The following DYNC1H1 variants were observed in gnomAD, a reference collection of about 807,000 sequenced individuals.
The protein encoded by DYNC1H1 is cytoplasmic dynein 1 heavy chain 1.
DYNC1H1 carries 51 observed loss-of-function variants against 527.1 expected under a neutral mutation model. The ratio of observed to expected loss-of-function variants is 0.10; its 90% CI spans 0.08 to 0.12. DYNC1H1 has a LOEUF of 0.12. Among genes scored for constraint, DYNC1H1 ranks in the 10% least tolerant of loss-of-function variants. The probability of loss-of-function intolerance (pLI) is 1.00; values close to 1 mark genes in which losing one functional copy is unlikely to be tolerated. For missense variants in DYNC1H1, 2,771 were observed against 5,971.8 expected (o/e 0.46, Z 17.66); for synonymous variants, 2,189 against 2,278.8 (o/e 0.96, Z 1.12).
At position 102,012,749 on chromosome 14, in the gene DYNC1H1, G is replaced by T. The variant is rs903413968; in HGVS notation, c.7014+279G>T. On this transcript the variant is annotated intron_variant, in intron 34 of 77. Transcript: ENST00000360184. The surrounding 1 kb of genome is among the most constrained non-coding windows in gnomAD (Gnocchi z 4.9). ...TCAGTTAACCCTGTATGGTGGGGTT[G>T]TCGTTAAGGTTTCTTAAGCTGTTAT... The T allele has an allele frequency of 8.5e-6, 4 of 469,520 alleles. No homozygotes were observed. The highest frequency in any genetic ancestry group is 7.9e-5 in the African/African-American group (4 of 50,752). The allele number at this position is 469,520 out of a possible 1,614,324, so 29.1% of individuals were successfully genotyped here.
Position 102,012,863 on chromosome 14 carries a change from C to T in DYNC1H1, c.7014+393C>T, listed in dbSNP as rs1056432686. On this transcript the variant is annotated intron_variant, in intron 34 of 77. Transcript: ENST00000360184. The surrounding 1 kb of genome is among the most constrained non-coding windows in gnomAD (Gnocchi z 4.9). ...ATGAGTGCATGATGCAGGTGCCTGACAACACCTACTGATCAGTAAACACAG... is the reference window on the plus strand; with the variant it reads ...ATGAGTGCATGATGCAGGTGCCTGATAACACCTACTGATCAGTAAACACAG... 3 of 341,192 alleles carry T rather than the reference C, an allele frequency of 8.8e-6. No homozygotes were observed. Among genetic ancestry groups the T allele is most frequent in the Non-Finnish European group, 1.7e-5 (3 of 176,948 alleles). The allele number at this position is 341,192 out of a possible 1,614,324, so 21.1% of individuals were successfully genotyped here.
intron 2 of DYNC1H1, among the ~76,000 whole-genome samples, chr14:101,976,491 G>A (rs2047802606): frequency 6.6e-6 from 1 of 151,330 alleles, no homozygotes; most frequent in Non-Finnish European, 1.5e-5. Context: ...GCAGTGAGCC[G>A]AGATTGTGCC....
intron 10 of DYNC1H1, among the ~76,000 whole-genome samples, chr14:101,989,086 T>C (rs1358322166): frequency 6.6e-6 from 1 of 152,184 alleles, no homozygotes; most frequent in African/African-American, 2.4e-5. Flanking sequence ...CTCACTCTCA[T>C]GTGAGATGTT....
At chr14:102,023,142 A>G (rs1207897982) in intron 43 of DYNC1H1, 8 of 451,052 alleles carry the variant, frequency 1.8e-5, no homozygotes, top group African/African-American at 4.0e-5. Flanking sequence ...ACTCACGCCT[A>G]TGGTCCCAGC....
intron 52 of DYNC1H1, chr14:102,032,743 C>T: frequency 1.8e-6 from 1 of 569,516 alleles, no homozygotes. Context: ...GTCCTAGCTA[C>T]TTGGGAGGCT....
rs2048305907 is a variant in DYNC1H1, at chr14:102,015,225, C to T, written c.7135C>T (p.Leu2379=). The change falls in exon 35 of 78, where the codon CTG becomes TTG. Residue 2379 remains leucine (L), a synonymous_variant. Coordinates refer to ENST00000360184, the MANE Select transcript of DYNC1H1 (RefSeq NM_001376.5). The surrounding 1 kb of genome is among the most constrained non-coding windows in gnomAD (Gnocchi z 6.9). Reference sequence around the variant, plus strand: ...CACCGACATGATCTTCAACAACTTCCTGGCCAGGCTGCGCAGCATCCCGCT... The same window carrying T: ...CACCGACATGATCTTCAACAACTTCTTGGCCAGGCTGCGCAGCATCCCGCT... ...LSTDMIFNNF[L]ARLRSIPLDE... 1 of 1,614,226 alleles carries T rather than the reference C, an allele frequency of 6.2e-7. No homozygotes were observed. The highest frequency in any genetic ancestry group is 8.5e-7 in the Non-Finnish European group (1 of 1,180,032).
chr14:101,980,393 A>G lies in DYNC1H1; in HGVS notation c.804A>G (p.Ser268=), dbSNP rs1477480380. ...KVTKLDRDPA[S]GTALQEISFW... is the part of the protein sequence containing the mutation. ...CCAAACTGGATCGAGATCCTGCATC[A>G]GGAACTGCCTTACAGGAAATTAGTT... The change falls in exon 5 of 78, where the codon TCA becomes TCG. Residue 268 remains serine, a synonymous_variant. Coordinates refer to ENST00000360184, the MANE Select transcript of DYNC1H1 (RefSeq NM_001376.5). 1 of 1,614,244 alleles carries G rather than the reference A, an allele frequency of 6.2e-7. No individual in the cohort carries two copies. The highest frequency in any genetic ancestry group is 1.1e-5 in the South Asian group (1 of 91,090).
chr14:102,032,654 C>G, intron 52 of DYNC1H1, 187 bp downstream of exon 52: 1 of 738,160 alleles, frequency 1.4e-6, no homozygotes, highest in African/African-American at 1.7e-5. Context: ...GAGTTAGAGA[C>G]CAACCTGGGC....
intron 51 of DYNC1H1, among the ~76,000 whole-genome samples, chr14:102,030,983 AAAG>A (rs1245498156): frequency 6.6e-6 from 1 of 152,190 alleles, no homozygotes; most frequent in Non-Finnish European, 1.5e-5. Context: ...AATGAAAACA[AAAG>A]AAAAAAAAGA....
Position 102,033,564 on chromosome 14 carries a change from C to A in DYNC1H1, c.10413+80C>A. On this transcript the variant is annotated intron_variant, in intron 54 of 77. Coordinates refer to ENST00000360184, the MANE Select transcript of DYNC1H1 (RefSeq NM_001376.5). This position sits in a 1 kb window ranked among gnomAD's most constrained non-coding sequence, Gnocchi z 5.6. The stretch of plus-strand genomic sequence containing the variant: ...CACACTTCAACATGCGCTGCATGCA[C>A]CATGCTGGCCTCGGTGAATTCGCTC... The A allele has an allele frequency of 1.3e-6, 2 of 1,553,344 alleles. No individual in the cohort carries two copies. Among genetic ancestry groups the A allele is most frequent in the Non-Finnish European group, 1.8e-6 (2 of 1,139,262 alleles).
chr14:101,983,652 T>A lies in DYNC1H1; in HGVS notation c.1461+43T>A. The A allele has an allele frequency of 6.3e-7, 1 of 1,588,220 alleles. No homozygotes were observed. Among genetic ancestry groups the A allele is most frequent in the Non-Finnish European group, 8.6e-7 (1 of 1,165,506 alleles). On this transcript the variant is annotated intron_variant, in intron 7 of 77. Transcript: ENST00000360184. The surrounding 1 kb of genome is among the most constrained non-coding windows in gnomAD (Gnocchi z 5.3). ...AAAGTTTGTGTTTTGTTTTTGTTTT[T>A]GTTTTGTTTTTTGTTTGGTGTTTTT... is the stretch of plus-strand genomic sequence containing the variant.
intron 9 of DYNC1H1, 100 bp downstream of exon 9, chr14:101,987,732 TA>T (rs1229271320): frequency 7.3e-7 from 1 of 1,363,338 alleles, no homozygotes; most frequent in East Asian, 2.4e-5. Context: ...CCTTGGAAAT[TA>T]TCTGTGATAG....
chr14:101,970,018 G>A (rs1483218635), intron 1 of DYNC1H1, among the ~76,000 whole-genome samples: 1 of 151,998 alleles, frequency 6.6e-6, no homozygotes, highest in Non-Finnish European at 1.5e-5. Flanking sequence ...GCAGTGCCTT[G>A]GTATCTGTTA....
In DYNC1H1 at chr14:102,050,675, T is replaced by C. The variant is rs1044610372; in HGVS notation, c.*112T>C. 24 of 1,550,474 alleles carry C rather than the reference T, an allele frequency of 1.5e-5. No homozygotes were observed. In the African/African-American group the frequency reaches 1.6e-4, roughly 11 times the overall value. On this transcript the variant is annotated 3_prime_UTR_variant, in exon 78 of 78. Coordinates refer to ENST00000360184, the MANE Select transcript of DYNC1H1 (RefSeq NM_001376.5). ...TGAAAAGAAAGTGGTTGGTCTGAGG[T>C]TGGAGGAAGCTGAATGGAATCTGAC...
intron 18 of DYNC1H1, 153 bp downstream of exon 18, chr14:102,000,552 C>T (rs1032602388): frequency 7.4e-6 from 5 of 673,150 alleles, no homozygotes; most frequent in African/African-American, 3.8e-5. Flanking sequence ...GTCCAAAATA[C>T]TGTAAAACTT....
Position 102,055,223 on chromosome 14 carries a change from C to T in DYNC1H1, c.*4660C>T, listed in dbSNP as rs755709341. ...TCTTCTGGACTCAGGTGACAAGTCACCTAAGTGACAGATCCAGCATGCACT... is the reference window on the plus strand; with the variant it reads ...TCTTCTGGACTCAGGTGACAAGTCATCTAAGTGACAGATCCAGCATGCACT... On this transcript the variant is annotated 3_prime_UTR_variant, in exon 78 of 78. Transcript: ENST00000360184. The T allele has an allele frequency of 2.6e-5, 4 of 152,176 alleles. No individual in the cohort carries two copies. The highest frequency in any genetic ancestry group is 5.9e-5 in the Non-Finnish European group (4 of 68,044). 9.4% of individuals were successfully genotyped at this position (152,176 alleles called of 1,614,324 possible).
Position 102,002,930 on chromosome 14 carries a change from A to G in DYNC1H1, c.4848A>G (p.Gly1616=). Residue 1616 remains glycine (G), a synonymous_variant, in exon 23 of 78, where the codon GGA becomes GGG. Transcript: ENST00000360184. The surrounding 1 kb of genome is among the most constrained non-coding windows in gnomAD (Gnocchi z 4.4). ...DLLGKIQKAL[G]EYLERERSSF... is the part of the protein sequence containing the mutation. ...TAGGAAAGATCCAGAAAGCATTGGG[A>G]GAATATCTGGAAAGAGAGCGGTCAT... 1.2e-6 allele frequency: 2 copies of G among 1,614,196 alleles called. No homozygotes were observed. Among genetic ancestry groups the G allele is most frequent in the Non-Finnish European group, 1.7e-6 (2 of 1,180,046 alleles).
rs560528083 is a variant in DYNC1H1, at chr14:102,018,257, C to G, written c.8178-194C>G. On this transcript the variant is annotated intron_variant, in intron 40 of 77. Transcript: ENST00000360184. This position sits in a 1 kb window ranked among gnomAD's most constrained non-coding sequence, Gnocchi z 5.2. ...TGCTGGTTTTTCAAGTGTTTTCCATCGACTGTTGTGTGTCAGACCCCAAGC... is the reference window on the plus strand; with the variant it reads ...TGCTGGTTTTTCAAGTGTTTTCCATGGACTGTTGTGTGTCAGACCCCAAGC... Among the ~76,000 whole-genome samples, 1 of 152,320 alleles carries G rather than the reference C, an allele frequency of 6.6e-6. No individual in the cohort carries two copies. Among genetic ancestry groups the G allele is most frequent in the East Asian group, 1.9e-4 (1 of 5,184 alleles).
chr14:101,979,240 A>G lies in DYNC1H1; in HGVS notation c.345-79A>G. On this transcript the variant is annotated intron_variant, in intron 2 of 77. Coordinates refer to ENST00000360184, the MANE Select transcript of DYNC1H1 (RefSeq NM_001376.5). This position sits in a 1 kb window ranked among gnomAD's most constrained non-coding sequence, Gnocchi z 4.6. ...TATTAGAAAAGCAACACTTCAGTAT[A>G]TTCTTGTATGATTTTTAAATTAATA... 7.1e-7 allele frequency: 1 copy of G among 1,411,246 alleles called. No individual in the cohort carries two copies. Among genetic ancestry groups the G allele is most frequent in the Non-Finnish European group, 9.9e-7 (1 of 1,006,042 alleles). The allele number at this position is 1,411,246 out of a possible 1,614,324, so 87.4% of individuals were successfully genotyped here. A position where few individuals can be genotyped will look rare whatever the true frequency, so the allele number is the denominator to read the frequency against.
Sources: allele counts gnomAD v4.1 joint callset (sites outside exome capture counted in the v4.1 genomes callset), GRCh38; gene constraint gnomAD v4.1.1; non-coding constraint Gnocchi (gnomAD v3.1); transcripts MANE v1.5; gene names NCBI Gene and HGNC (gene_info 2026-07-23, HGNC 2026-07-21).